Variants in PRELID2 observed in about 807,000 individuals in gnomAD.
The protein encoded by PRELID2 is PRELI domain-containing protein 2.
PRELID2 carries 25 observed loss-of-function variants against 28.4 expected under a neutral mutation model. The ratio of observed to expected loss-of-function variants is 0.88; its 90% CI spans 0.64 to 1.23. PRELID2 has a LOEUF of 1.23. Among genes scored for constraint, PRELID2 ranks in the 50% most tolerant of loss-of-function variants. The pLI, the probability that PRELID2 is intolerant of heterozygous loss-of-function variation, is 0.00. For missense variants in PRELID2, 201 were observed against 214.4 expected (o/e 0.94, Z 0.39); for synonymous variants, 76 against 71.6 (o/e 1.06, Z -0.31).
chr5:145,370,178 G>A, the PRELID2 span, among the ~76,000 whole-genome samples: 1 of 152,046 alleles, frequency 6.6e-6, no homozygotes, highest in Non-Finnish European at 1.5e-5. Flanking sequence ...TCATGTTTTA[G>A]TCATGAAGCC....
chr5:145,418,404 G>A, the PRELID2 span, among the ~76,000 whole-genome samples: 1 of 151,950 alleles, frequency 6.6e-6, no homozygotes, highest in Admixed American at 6.6e-5. Context: ...AAAATTCATA[G>A]AGAACCAAAA....
Position 145,618,612 on chromosome 5 carries a change from G to A in PRELID2, n.71-145297C>T, listed in dbSNP as rs146633086. Among the ~76,000 whole-genome samples the A allele has an allele frequency of 4.3e-4, 65 of 152,278 alleles. No individual in the cohort carries two copies. The East Asian group carries it at 8.3e-3, about 19-fold the overall frequency. ...AGGAAGGTGAAATGGGCTGTGTAAG[G>A]GTACCTAGCTTTGGTGATTTAATGC... On this transcript the variant is annotated intron_variant and non_coding_transcript_variant, in intron 1 of 2. Transcript: ENST00000510259.
the PRELID2 span, chr5:145,441,240 G>C: frequency 6.6e-6 from 1 of 151,970 alleles, no homozygotes; most frequent in Non-Finnish European, 1.5e-5. Flanking sequence ...TAGCACCTAA[G>C]GCCAACAACT....
chr5:145,252,638 ATATG>A, the PRELID2 span, among the ~76,000 whole-genome samples: 1 of 152,116 alleles, frequency 6.6e-6, no homozygotes, highest in Non-Finnish European at 1.5e-5. Context: ...CCCAGGAAAC[ATATG>A]TGCATTTTTG....
chr5:145,530,046 A>G (rs1308062171), intron 1 of PRELID2, among the ~76,000 whole-genome samples: 1 of 152,126 alleles, frequency 6.6e-6, no homozygotes, highest in East Asian at 1.9e-4. Context: ...AGATAACTTC[A>G]CATCTATTTT....
intron 1 of PRELID2, among the ~76,000 whole-genome samples, chr5:145,530,817 A>G (rs1752648788): frequency 3.9e-5 from 6 of 152,060 alleles, no homozygotes; most frequent in Admixed American, 3.9e-4. Context: ...TGTAATAGTC[A>G]TAATTGCCCA....
chr5:145,448,432 C>A, the PRELID2 span, among the ~76,000 whole-genome samples: 2 of 152,108 alleles, frequency 1.3e-5, no homozygotes, highest in Non-Finnish European at 2.9e-5. Flanking sequence ...TGCCTGTTCA[C>A]TCTGATGGTA....
chr5:145,382,959 C>T, the PRELID2 span, among the ~76,000 whole-genome samples: 1 of 151,682 alleles, frequency 6.6e-6, no homozygotes, highest in Non-Finnish European at 1.5e-5. Context: ...ACCTCTGAAA[C>T]ACTACTGAGA....
intron 4 of PRELID2, among the ~76,000 whole-genome samples, chr5:145,808,017 AT>A (rs1158385529): frequency 6.6e-6 from 1 of 152,158 alleles, no homozygotes; most frequent in Non-Finnish European, 1.5e-5. Flanking sequence ...AGATCATTAT[AT>A]TTGTATAGAA....
chr5:145,824,463 T>TGTGTGTGTGA (rs373555427), intron 1 of PRELID2, among the ~76,000 whole-genome samples: 16,700 of 143,428 alleles, frequency 0.12, 1,269 homozygotes, highest in Admixed American at 0.18. Flanking sequence ...TGTGTGTGTG[T>TGTGTGTGTGA]GATATTGATT....
At chr5:145,633,652 T>G (rs1348137940) in intron 1 of PRELID2, among the ~76,000 whole-genome samples, 2 of 152,204 alleles carry the variant, frequency 1.3e-5, no homozygotes, top group African/African-American at 4.8e-5. Context: ...GTTTGCTATT[T>G]TGATTTCCTA....
chr5:145,506,890 T>A (rs1752417148), intron 1 of PRELID2, among the ~76,000 whole-genome samples: 1 of 152,208 alleles, frequency 6.6e-6, no homozygotes, highest in Admixed American at 6.5e-5. Flanking sequence ...TGTGCTCAGG[T>A]CACCCTCAAT....
the PRELID2 span, among the ~76,000 whole-genome samples, chr5:145,435,083 G>A: frequency 6.6e-6 from 1 of 152,200 alleles, no homozygotes; most frequent in Non-Finnish European, 1.5e-5. Context: ...CACTGCTGTA[G>A]CAGCTGGGAA....
At chr5:145,749,767 T>C (rs2149750147) in intron 1 of PRELID2, among the ~76,000 whole-genome samples, 1 of 152,272 alleles carries the variant, frequency 6.6e-6, no homozygotes, top group East Asian at 1.9e-4. Flanking sequence ...ATATACACTA[T>C]GGAATACTAC....
At chr5:145,393,586 T>C in the PRELID2 span, among the ~76,000 whole-genome samples, 2 of 152,176 alleles carry the variant, frequency 1.3e-5, no homozygotes, top group Non-Finnish European at 2.9e-5. Flanking sequence ...AACAGCTGGA[T>C]TGCTGACAGC....
At chr5:145,784,254 A>G (rs953402572) in intron 5 of PRELID2, among the ~76,000 whole-genome samples, 1 of 151,756 alleles carries the variant, frequency 6.6e-6, no homozygotes, top group Admixed American at 6.6e-5. Flanking sequence ...AAAAAAGAAA[A>G]GAAAAGAAAA....
intron 1 of PRELID2, among the ~76,000 whole-genome samples, chr5:145,549,792 C>A (rs1752818921): frequency 6.8e-6 from 1 of 147,298 alleles, no homozygotes; most frequent in Admixed American, 6.8e-5. Flanking sequence ...GAGATTCAGT[C>A]TCAAAAAAAG....
intron 1 of PRELID2, among the ~76,000 whole-genome samples, chr5:145,715,047 T>A (rs139355543): frequency 1.6e-4 from 24 of 152,284 alleles, no homozygotes; most frequent in African/African-American, 5.8e-4. Context: ...TGGATTTAAA[T>A]ACCACATCTG....
chr5:145,341,253 C>T, the PRELID2 span, among the ~76,000 whole-genome samples: 1 of 151,740 alleles, frequency 6.6e-6, no homozygotes, highest in Non-Finnish European at 1.5e-5. Flanking sequence ...CAACAGATCT[C>T]AATCAAAAAG....
Sources: gnomAD v4.1 joint callset for allele counts (sites outside exome capture counted in the v4.1 genomes callset) on GRCh38, gnomAD v4.1.1 for gene constraint, MANE v1.5 for transcripts, NCBI Gene and HGNC (gene_info 2026-07-23, HGNC 2026-07-21) for gene names.